The following DIPK1A variants were observed in gnomAD, a reference collection of about 807,000 sequenced individuals.
The protein encoded by DIPK1A is divergent protein kinase domain 1A.
In DIPK1A, 27 loss-of-function variants were observed where a neutral mutation model predicts 40.8. That is an observed-to-expected ratio of 0.66 (90% confidence interval 0.49 to 0.91). The LOEUF is 0.91. DIPK1A is among the 40% of genes least tolerant of loss of function. DIPK1A has a pLI of 0.00. For synonymous variants in DIPK1A, 166 were observed against 171.3 expected (o/e 0.97, Z 0.24); for missense variants, 412 against 505.7 (o/e 0.81, Z 1.78).
At chr1:92,916,917 C>T (rs941476628) in intron 1 of DIPK1A, among the ~76,000 whole-genome samples, 8 of 152,196 alleles carry the variant, frequency 5.3e-5, no homozygotes, top group African/African-American at 1.9e-4. Flanking sequence ...ACTGGAAAAG[C>T]ATTCAATAAA....
chr1:92,853,915 C>T (rs980026823), intron 2 of DIPK1A, among the ~76,000 whole-genome samples: 1 of 152,142 alleles, frequency 6.6e-6, no homozygotes, highest in Admixed American at 6.5e-5. Flanking sequence ...GAGACAGAGT[C>T]TCACTCTGTT....
Position 92,908,716 on chromosome 1 carries a change from T to C in DIPK1A, c.55-32286A>G, listed in dbSNP as rs371628089. Among the ~76,000 whole-genome samples, 58 of 152,264 alleles carry C rather than the reference T, an allele frequency of 3.8e-4. 1 individual carries two copies. In the South Asian group the frequency reaches 0.011, roughly 28 times the overall value. Reference sequence around the variant, plus strand: ...AGAGAAACTAGCACATGTTTAAATGTTGACAGAAAAGTGAGGTGTTGACAG... The same window carrying C: ...AGAGAAACTAGCACATGTTTAAATGCTGACAGAAAAGTGAGGTGTTGACAG... On this transcript the variant is annotated intron_variant, in intron 1 of 4. Transcript: ENST00000370310.
chr1:92,927,600 G>A (rs1650571613), intron 1 of DIPK1A, among the ~76,000 whole-genome samples: 1 of 152,016 alleles, frequency 6.6e-6, no homozygotes, highest in African/African-American at 2.4e-5. Context: ...AAGAAACCCT[G>A]TACTCATTAG....
At chr1:92,841,196 C>T (rs777982184), downstream of DIPK1A, among the ~76,000 whole-genome samples, 8 of 152,154 alleles carry the variant, frequency 5.3e-5, no homozygotes, top group Admixed American at 2.6e-4. Flanking sequence ...TCTTTGCACC[C>T]ACCAGCCTCT....
chr1:92,925,560 C>T (rs1410698292), intron 1 of DIPK1A, among the ~76,000 whole-genome samples: 1 of 152,036 alleles, frequency 6.6e-6, no homozygotes, highest in Non-Finnish European at 1.5e-5. Flanking sequence ...GGGGTACGAT[C>T]TCGGCTCACT....
intron 1 of DIPK1A, among the ~76,000 whole-genome samples, chr1:92,919,822 A>AG (rs1438482358): frequency 3.9e-5 from 6 of 152,260 alleles, no homozygotes; most frequent in Non-Finnish European, 7.3e-5. Context: ...GGCAGTACTT[A>AG]GGATACATGG....
intron 1 of DIPK1A, among the ~76,000 whole-genome samples, chr1:92,882,468 C>T (rs1648422503): frequency 6.6e-6 from 1 of 152,198 alleles, no homozygotes; most frequent in African/African-American, 2.4e-5. Flanking sequence ...TCTTGACTAC[C>T]ATGATAATCA....
chr1:92,892,077 G>C (rs986697731), intron 1 of DIPK1A, among the ~76,000 whole-genome samples: 1 of 152,086 alleles, frequency 6.6e-6, no homozygotes, highest in East Asian at 1.9e-4. Context: ...CTCCACTTCT[G>C]GGGGCAGGGC....
chr1:92,902,797 G>A (rs1279785450), intron 1 of DIPK1A, among the ~76,000 whole-genome samples: 1 of 152,094 alleles, frequency 6.6e-6, no homozygotes, highest in African/African-American at 2.4e-5. Context: ...GTGCTCACCT[G>A]TTTCTTTGAT....
chr1:92,909,313 C>T (rs2100833621), intron 1 of DIPK1A, among the ~76,000 whole-genome samples: 1 of 152,180 alleles, frequency 6.6e-6, no homozygotes, highest in East Asian at 1.9e-4. Flanking sequence ...ACACAAAATG[C>T]TATGTGCTTT....
chr1:92,836,268 A>G lies in DIPK1A; in HGVS notation c.475-3234T>C, dbSNP rs200075817. On this transcript the variant is annotated intron_variant, in intron 4 of 4. Transcript: ENST00000615519. ...TGGTGATGAATACAATGTGGAAAGC[A>G]TTGATGGTCAGCCAGGTGCCTTCAC... is the stretch of plus-strand genomic sequence containing the variant. 67 of 1,614,110 alleles carry G rather than the reference A, an allele frequency of 4.2e-5. No homozygotes were observed. The Admixed American group carries it at 1.0e-3, about 25-fold the overall frequency.
downstream of DIPK1A, chr1:92,841,744 T>C (rs547082637): frequency 6.6e-7 from 1 of 1,515,222 alleles, no homozygotes; most frequent in East Asian, 2.3e-5. Flanking sequence ...GTTTAAAAAA[T>C]ATATATTCCT....
intron 1 of DIPK1A, among the ~76,000 whole-genome samples, chr1:92,941,105 GATTTTA>G (rs1471651358): frequency 1.4e-5 from 2 of 147,536 alleles, no homozygotes; most frequent in African/African-American, 5.0e-5. Context: ...CAGAGAAAAA[GATTTTA>G]ATTTTGATAA....
Position 92,843,033 on chromosome 1 carries a change from T to C in DIPK1A, c.*350A>G. 5 of 1,003,448 alleles carry C rather than the reference T, an allele frequency of 5.0e-6. No individual in the cohort carries two copies. The highest frequency in any genetic ancestry group is 5.9e-6 in the Non-Finnish European group (5 of 842,144). 62.2% of individuals were successfully genotyped at this position (1,003,448 alleles called of 1,614,324 possible). ...AACAGCAGCTTCAATGCAAACACAA[T>C]GCTTCCAGCATTGGTATTTTGGCTA... On this transcript the variant is annotated 3_prime_UTR_variant, in exon 5 of 5. Coordinates refer to ENST00000370310, the MANE Select transcript of DIPK1A (RefSeq NM_001006605.5).
intron 1 of DIPK1A, among the ~76,000 whole-genome samples, chr1:92,918,948 G>A (rs1043269417): frequency 1.3e-5 from 2 of 152,148 alleles, no homozygotes; most frequent in African/African-American, 2.4e-5. Context: ...GGCAGGAGGC[G>A]GAGCTCAGAC....
At chr1:92,856,311 G>C (rs1384611393) in intron 2 of DIPK1A, among the ~76,000 whole-genome samples, 1 of 151,864 alleles carries the variant, frequency 6.6e-6, no homozygotes, top group African/African-American at 2.4e-5. Context: ...CAAAAAAGCT[G>C]AATTAGATTA....
intron 1 of DIPK1A, among the ~76,000 whole-genome samples, chr1:92,909,359 C>G (rs1199024018): frequency 3.9e-5 from 6 of 152,118 alleles, no homozygotes; most frequent in African/African-American, 1.4e-4. Context: ...AAAAGCTGTA[C>G]ATCAAAATGA....
chr1:92,932,462 T>A (rs538239833), intron 1 of DIPK1A: 2 of 151,606 alleles, frequency 1.3e-5, no homozygotes, highest in African/African-American at 4.8e-5. Flanking sequence ...TTAAAAATTT[T>A]AAAAATCTTA....
chr1:92,891,159 T>C (rs967704739), intron 1 of DIPK1A, among the ~76,000 whole-genome samples: 6 of 152,168 alleles, frequency 3.9e-5, no homozygotes, highest in African/African-American at 7.2e-5. Flanking sequence ...TGTTATCAGC[T>C]GTCATATCTC....
Sources: allele counts gnomAD v4.1 joint callset (sites outside exome capture counted in the v4.1 genomes callset), GRCh38; gene constraint gnomAD v4.1.1; transcripts MANE v1.5; gene names NCBI Gene and HGNC (gene_info 2026-07-23, HGNC 2026-07-21).